Variants in MARCHF1 observed in about 807,000 individuals in gnomAD.
MARCHF1 encodes membrane associated ring-CH-type finger 1.
Under a neutral mutation model 54.2 loss-of-function variants are expected in MARCHF1, and 40 were observed. That is an observed-to-expected ratio of 0.74 (90% CI 0.57 to 0.96). MARCHF1 has a LOEUF of 0.96. Among genes scored for constraint, MARCHF1 ranks in the 40% least tolerant of loss-of-function variants. MARCHF1 has a pLI of 0.00. For synonymous variants in MARCHF1, 236 were observed against 236.3 expected, an observed-to-expected ratio of 1.00 and a Z score of 0.01; for missense variants, 586 against 656.5, an observed-to-expected ratio of 0.89 and a Z score of 1.17.
chr4:164,097,784 G>A (rs1257960128), intron 2 of MARCHF1, among the ~76,000 whole-genome samples: 1 of 152,102 alleles, frequency 6.6e-6, no homozygotes, highest in Admixed American at 6.6e-5. Context: ...AGGTAGGTTG[G>A]GCCACACATA....
chr4:164,350,406 T>C (rs1173697173), intron 1 of MARCHF1, among the ~76,000 whole-genome samples: 2 of 152,094 alleles, frequency 1.3e-5, no homozygotes, highest in Admixed American at 1.3e-4. Flanking sequence ...AAATCACAGC[T>C]AGATAAGAGG....
chr4:164,247,448 T>G (rs1312693742), intron 1 of MARCHF1, among the ~76,000 whole-genome samples: 1 of 151,288 alleles, frequency 6.6e-6, no homozygotes, highest in South Asian at 2.1e-4. Flanking sequence ...CACACTCTGG[T>G]GACTGTTGTG....
At chr4:164,130,836 T>C (rs1756285927) in intron 1 of MARCHF1, among the ~76,000 whole-genome samples, 3 of 152,184 alleles carry the variant, frequency 2.0e-5, no homozygotes, top group Non-Finnish European at 2.9e-5. Flanking sequence ...GATGTCGTTA[T>C]ATGTTACAAA....
At chr4:164,251,593 T>C (rs1022161313) in intron 1 of MARCHF1, among the ~76,000 whole-genome samples, 2 of 152,180 alleles carry the variant, frequency 1.3e-5, no homozygotes, top group Non-Finnish European at 2.9e-5. Context: ...GCACTCTAGG[T>C]ACTAGGATGA....
chr4:164,021,067 C>A lies in MARCHF1; in HGVS notation c.-247-32358G>T, dbSNP rs116711198. The stretch of plus-strand genomic sequence containing the variant: ...GAATCTGAGGGATATTCCCTCCAAT[C>A]CATTTCTGTCCCTTTTTTTTTTTTT... On this transcript the variant is annotated intron_variant, in intron 2 of 9. Coordinates refer to ENST00000514618, the MANE Select transcript of MARCHF1 (RefSeq NM_001394959.1). Among the ~76,000 whole-genome samples, 1,117 of 136,826 alleles carry A rather than the reference C, an allele frequency of 8.2e-3. 13 individuals are homozygous for A. The highest frequency in any genetic ancestry group is 0.028 in the African/African-American group (1,062 of 38,076). 89.8% of individuals were successfully genotyped at this position (136,826 alleles called of 152,430 possible).
chr4:164,256,760 A>C (rs868765971), intron 1 of MARCHF1, among the ~76,000 whole-genome samples: 1 of 152,198 alleles, frequency 6.6e-6, no homozygotes, highest in Non-Finnish European at 1.5e-5. Flanking sequence ...CTATAAAATA[A>C]ATCAAAAGAA....
At chr4:163,974,094 A>C (rs1181285298) in intron 3 of MARCHF1, among the ~76,000 whole-genome samples, 1 of 152,214 alleles carries the variant, frequency 6.6e-6, no homozygotes, top group Non-Finnish European at 1.5e-5. Context: ...GAAGATAATG[A>C]GAGTACCTAT....
intron 2 of MARCHF1, among the ~76,000 whole-genome samples, chr4:164,078,001 T>A (rs1394044406): frequency 6.6e-6 from 1 of 152,134 alleles, no homozygotes; most frequent in Non-Finnish European, 1.5e-5. Context: ...GAACCAGAAA[T>A]ACCATTTGAT....
chr4:163,996,264 G>A (rs143729142), intron 2 of MARCHF1, among the ~76,000 whole-genome samples: 34 of 151,994 alleles, frequency 2.2e-4, no homozygotes, highest in African/African-American at 7.9e-4. Context: ...AATTAGTAAC[G>A]TGGAAAGTGC....
chr4:163,977,723 CATA>C (rs1237269668), intron 3 of MARCHF1, among the ~76,000 whole-genome samples: 2 of 152,148 alleles, frequency 1.3e-5, no homozygotes, highest in Non-Finnish European at 2.9e-5. Flanking sequence ...TGCTTTTCAG[CATA>C]ATGCTATTTT....
intron 5 of MARCHF1, among the ~76,000 whole-genome samples, chr4:163,695,535 C>T (rs114257644): frequency 0.016 from 2,374 of 152,202 alleles, 22 homozygotes; most frequent in Non-Finnish European, 0.023. Flanking sequence ...TGAAATGACT[C>T]TCTGTCATGT....
chr4:164,008,729 A>G (rs764526335), intron 2 of MARCHF1, among the ~76,000 whole-genome samples: 3 of 152,172 alleles, frequency 2.0e-5, no homozygotes, highest in Non-Finnish European at 4.4e-5. Context: ...ATACTTCTGA[A>G]GAACCAGTGA....
chr4:163,950,855 A>G (rs1752121306), intron 3 of MARCHF1, among the ~76,000 whole-genome samples: 1 of 152,244 alleles, frequency 6.6e-6, no homozygotes, highest in South Asian at 2.1e-4. Flanking sequence ...ATCTAAAGAA[A>G]TCCATTCTTC....
chr4:163,943,053 T>A (rs911766619), intron 3 of MARCHF1, among the ~76,000 whole-genome samples: 1 of 152,220 alleles, frequency 6.6e-6, no homozygotes, highest in Admixed American at 6.5e-5. Flanking sequence ...GTTTTTTCCT[T>A]GTAAATTGGT....
chr4:163,710,440 C>A (rs1745073254), intron 4 of MARCHF1, among the ~76,000 whole-genome samples: 1 of 152,122 alleles, frequency 6.6e-6, no homozygotes, highest in Non-Finnish European at 1.5e-5. Flanking sequence ...TTGGGCAGTC[C>A]AAACAATTGT....
intron 2 of MARCHF1, among the ~76,000 whole-genome samples, chr4:164,110,111 T>G (rs1336879866): frequency 1.0e-5 from 1 of 99,074 alleles, no homozygotes; most frequent in Non-Finnish European, 2.2e-5. Flanking sequence ...AAAAACCCAT[T>G]GGAATTGGAG....
chr4:163,912,714 CA>C (rs1168684645), intron 3 of MARCHF1, among the ~76,000 whole-genome samples: 1 of 152,090 alleles, frequency 6.6e-6, no homozygotes, highest in Non-Finnish European at 1.5e-5. Flanking sequence ...CAGATTAAGA[CA>C]AAACAATCAT....
intron 2 of MARCHF1, among the ~76,000 whole-genome samples, chr4:164,059,371 A>C (rs1754565083): frequency 6.6e-6 from 1 of 152,198 alleles, no homozygotes; most frequent in Non-Finnish European, 1.5e-5. Flanking sequence ...ATTCGGTAGA[A>C]TGCTTCAAGA....
At chr4:164,239,105 A>G (rs1423855896) in intron 1 of MARCHF1, among the ~76,000 whole-genome samples, 1 of 152,018 alleles carries the variant, frequency 6.6e-6, no homozygotes, top group Admixed American at 6.6e-5. Flanking sequence ...GTTACATTTC[A>G]TCTATTATTT....
Sources: allele counts gnomAD v4.1 joint callset (sites outside exome capture counted in the v4.1 genomes callset), GRCh38; gene constraint gnomAD v4.1.1; transcripts MANE v1.5; gene names NCBI Gene and HGNC (gene_info 2026-07-23, HGNC 2026-07-21).